The following SNX19 variants were observed in gnomAD, a reference collection of about 807,000 sequenced individuals.
The protein encoded by SNX19 is sorting nexin-19.
SNX19 carries 60 observed loss-of-function variants against 85.2 expected under a neutral mutation model. The observed-to-expected ratio is 0.70, with a 90% CI of 0.57 to 0.87. The LOEUF is 0.87. Among genes scored for constraint, SNX19 ranks in the 40% least tolerant of loss-of-function variants. SNX19 has a pLI of 0.00. For synonymous variants in SNX19, 520 were observed against 470.0 expected (o/e 1.11, Z -1.38); for missense variants, 1,201 against 1,217.8 (o/e 0.99, Z 0.21).
chr11:130,896,655 T>C (rs776558981), intron 8 of SNX19, among the ~76,000 whole-genome samples: 1 of 152,174 alleles, frequency 6.6e-6, no homozygotes, highest in Non-Finnish European at 1.5e-5. Flanking sequence ...ACTTTTATGA[T>C]TTTGGGAACG....
At chr11:130,911,144 G>A (rs530141062) in intron 2 of SNX19, among the ~76,000 whole-genome samples, 1 of 149,518 alleles carries the variant, frequency 6.7e-6, no homozygotes, top group Non-Finnish European at 1.5e-5. Context: ...GCAGTGAGCC[G>A]AGATTGCACC....
intron 7 of SNX19, among the ~76,000 whole-genome samples, chr11:130,904,176 C>T (rs1945480982): frequency 1.3e-5 from 2 of 152,188 alleles, no homozygotes; most frequent in South Asian, 2.1e-4. Flanking sequence ...GAAGGAAGCA[C>T]GTGCTGTTTA....
chr11:130,879,535 G>A (rs1359490764), intron 10 of SNX19, 89 bp downstream of exon 10: 2 of 1,112,844 alleles, frequency 1.8e-6, no homozygotes, highest in Non-Finnish European at 2.7e-6. Context: ...TCTTTGGAAT[G>A]TGGGCTTTTC....
chr11:130,890,100 G>A (rs7937467), intron 8 of SNX19, among the ~76,000 whole-genome samples: 89,675 of 151,194 alleles, frequency 0.59, 27,032 homozygotes, highest in South Asian at 0.73. Flanking sequence ...CCAATATGCT[G>A]TTCAGAAAGA....
intron 8 of SNX19, among the ~76,000 whole-genome samples, chr11:130,901,178 C>T (rs1266078796): frequency 1.3e-5 from 2 of 152,204 alleles, no homozygotes; most frequent in Non-Finnish European, 2.9e-5. Flanking sequence ...AGGCATCCCA[C>T]ATCTCCTTCC....
intron 7 of SNX19, among the ~76,000 whole-genome samples, chr11:130,905,264 C>T (rs551026068): frequency 3.3e-5 from 5 of 152,286 alleles, no homozygotes; most frequent in African/African-American, 1.2e-4. Flanking sequence ...AAAGCTTTCA[C>T]CTCTTCTCCC....
chr11:130,879,213 C>T (rs564796528), intron 10 of SNX19, among the ~76,000 whole-genome samples: 2 of 152,198 alleles, frequency 1.3e-5, no homozygotes, highest in Non-Finnish European at 2.9e-5. Flanking sequence ...TCATGGTGAA[C>T]ATCTTTACAT....
In SNX19 at chr11:130,910,265, C is replaced by T. The variant is rs1440212575; in HGVS notation, c.1914+5G>A. On this transcript the variant is annotated splice_donor_5th_base_variant and intron_variant, in intron 3 of 10. Transcript: ENST00000265909. ...AGAACAAGGCCAAAAGAGAAGGATGCTGACCTTTAGGAATGATTCTAGGAG... is the reference window on the plus strand; with the variant it reads ...AGAACAAGGCCAAAAGAGAAGGATGTTGACCTTTAGGAATGATTCTAGGAG... 6.2e-7 allele frequency: 1 copy of T among 1,613,238 alleles called. No individual in the cohort carries two copies. The highest frequency in any genetic ancestry group is 1.1e-5 in the South Asian group (1 of 90,972).
rs770490516 is a variant in SNX19, at chr11:130,909,213, G to T, written c.2034+805C>A. ...GTAAGTAGATGTGGAAATAATGGAT[G>T]AATGATATCTGCATGGAACTCTGGG... On this transcript the variant is annotated intron_variant, in intron 4 of 10. Transcript: ENST00000265909. Among the ~76,000 whole-genome samples, 12 of 152,224 alleles carry T rather than the reference G, an allele frequency of 7.9e-5. No homozygotes were observed. In the South Asian group the frequency reaches 1.0e-3, roughly 13 times the overall value.
intron 8 of SNX19, among the ~76,000 whole-genome samples, chr11:130,902,103 C>G (rs760573075): frequency 1.4e-4 from 21 of 152,196 alleles, no homozygotes; most frequent in Non-Finnish European, 2.5e-4. Flanking sequence ...TTGTACAAAT[C>G]TGGTTTAAAA....
In SNX19 at chr11:130,903,326, T is replaced by C; in HGVS notation, c.2502A>G (p.Glu834=). Residue 834 remains glutamate (E), a synonymous_variant, in exon 8 of 11, where the codon GAA becomes GAG. Transcript: ENST00000265909. ...TTTCGGTACATAGCCATTTCCACTG[T>C]TCTGTTAGTAGCAAGAGGAGCAGAT... ...ALDLLLLLLT[E]QWKWLCTENM... is the part of the protein sequence containing the mutation. The C allele has an allele frequency of 6.2e-7, 1 of 1,613,784 alleles. No homozygotes were observed. The highest frequency in any genetic ancestry group is 8.5e-7 in the Non-Finnish European group (1 of 1,179,934).
At chr11:130,913,275 C>A (rs576044470) in intron 1 of SNX19, among the ~76,000 whole-genome samples, 31 of 152,272 alleles carry the variant, frequency 2.0e-4, no homozygotes, top group African/African-American at 7.2e-4. Flanking sequence ...AACAAAAAGG[C>A]AGGAAAATGT....
rs1026774621 is a variant in SNX19, at chr11:130,872,387, A to C, written c.*6035T>G. ...TTACACACTGTTGCTACCAAGTCAC[A>C]GAAGGAAAAAGATTCTGATGATTTT... On this transcript the variant is annotated 3_prime_UTR_variant, in exon 11 of 11. Coordinates refer to ENST00000265909, the MANE Select transcript of SNX19 (RefSeq NM_014758.3). 2.5e-4 allele frequency among the ~76,000 whole-genome samples: 38 copies of C among 152,192 alleles called. No homozygotes were observed. The highest frequency in any genetic ancestry group is 8.9e-4 in the African/African-American group (37 of 41,512).
chr11:130,882,925 G>A (rs1007710321), intron 8 of SNX19, among the ~76,000 whole-genome samples: 7 of 152,180 alleles, frequency 4.6e-5, no homozygotes, highest in African/African-American at 7.2e-5. Flanking sequence ...TTCCTAGACT[G>A]AACATGTTGT....
intron 3 of SNX19, 43 bp downstream of exon 3, chr11:130,910,227 C>T (rs543842226): frequency 1.2e-6 from 2 of 1,612,600 alleles, no homozygotes; most frequent in Non-Finnish European, 1.7e-6. Context: ...GGTTAGACAC[C>T]CAGGTTAAAG....
intron 8 of SNX19, among the ~76,000 whole-genome samples, chr11:130,896,129 A>G (rs1243973681): frequency 6.6e-6 from 1 of 152,210 alleles, no homozygotes; most frequent in Non-Finnish European, 1.5e-5. Context: ...CTGAAGACTG[A>G]GCTTGAGTTA....
At chr11:130,889,307 T>C (rs1944324468) in intron 8 of SNX19, among the ~76,000 whole-genome samples, 1 of 151,440 alleles carries the variant, frequency 6.6e-6, no homozygotes, top group Admixed American at 6.6e-5. Context: ...TGCTGACTCT[T>C]TTTCTTCCTC....
intron 8 of SNX19, among the ~76,000 whole-genome samples, chr11:130,884,871 C>CAAAAAAAAAAAAAAACAAAAAAAAAAAA (rs1943946774): frequency 1.5e-5 from 1 of 64,994 alleles, no homozygotes; most frequent in Non-Finnish European, 3.1e-5. Flanking sequence ...GACTCCATCT[C>CAAAAAAAAAAAAAAACAAAAAAAAAAAA]AAAAAAAAAA....
chr11:130,892,952 A>C (rs979851650), intron 8 of SNX19: 1 of 152,256 alleles, frequency 6.6e-6, no homozygotes, highest in African/African-American at 2.4e-5. Context: ...CATTCAGAAG[A>C]AAATTGAGTC....
Sources: allele counts gnomAD v4.1 joint callset (sites outside exome capture counted in the v4.1 genomes callset), GRCh38; gene constraint gnomAD v4.1.1; transcripts MANE v1.5; gene names NCBI Gene and HGNC (gene_info 2026-07-23, HGNC 2026-07-21).